GPHB5: variants seen among roughly 807,000 people sequenced by gnomAD.
GPHB5 encodes the protein glycoprotein hormone subunit beta 5.
In GPHB5, 7 loss-of-function variants were observed where a neutral mutation model predicts 10.1. That is an observed-to-expected ratio of 0.69 (90% CI 0.39 to 1.30). The LOEUF is 1.30. GPHB5 is among the 50% of genes most tolerant of loss of function. The pLI is 0.01. For synonymous variants in GPHB5, 68 were observed against 70.1 expected, an observed-to-expected ratio of 0.97 and a Z score of 0.15; for missense variants, 161 against 169.8, an observed-to-expected ratio of 0.95 and a Z score of 0.29.
chr14:63,318,744 C>T (rs1365435946), intron 1 of GPHB5, 80 bp downstream of exon 1: 2 of 152,196 alleles, frequency 1.3e-5, no homozygotes, highest in Non-Finnish European at 2.9e-5. Context: ...CTCACAGTTC[C>T]TACTTCTGAC....
At chr14:63,316,397 T>C (rs10129613) in intron 2 of GPHB5, among the ~76,000 whole-genome samples, 39,586 of 152,084 alleles carry the variant, frequency 0.26, 5,555 homozygotes, top group African/African-American at 0.35. Flanking sequence ...GGGAGGTCCA[T>C]CCCAGTCAAC....
At chr14:63,314,011 G>A (rs932786465) in intron 2 of GPHB5, among the ~76,000 whole-genome samples, 11 of 152,246 alleles carry the variant, frequency 7.2e-5, no homozygotes, top group East Asian at 1.9e-4. Flanking sequence ...AACAGACCCC[G>A]GGAGAGTTTC....
intron 1 of GPHB5, 131 bp from the exon 2 acceptor site, chr14:63,317,981 T>A: frequency 1.3e-6 from 1 of 765,066 alleles, no homozygotes; most frequent in South Asian, 1.9e-5. Flanking sequence ...GCCCAGAAAT[T>A]GTAAATGCCC....
chr14:63,312,894 A>C lies in GPHB5; in HGVS notation c.*34T>G, dbSNP rs1011710651. The stretch of plus-strand genomic sequence containing the variant: ...GGAAGTATAACTGCATGTGCTGCTC[A>C]CACAGGTGGGTCTGCAGAGAGCAGC... On this transcript the variant is annotated 3_prime_UTR_variant, in exon 3 of 3. Coordinates refer to ENST00000621500, the MANE Select transcript of GPHB5 (RefSeq NM_145171.4). 4.6e-6 allele frequency: 7 copies of C among 1,533,628 alleles called. No homozygotes were observed. Among genetic ancestry groups the C allele is most frequent in the African/African-American group, 1.4e-5 (1 of 72,714 alleles).
At chr14:63,314,887 CTTTTTTTTTTCTTTTTTCTTTTT>C (rs1566803437) in intron 2 of GPHB5, among the ~76,000 whole-genome samples, 1 of 143,528 alleles carries the variant, frequency 7.0e-6, no homozygotes, top group Non-Finnish European at 1.5e-5. Flanking sequence ...GCAGCCTTAC[CTTTTTTTTTTCTTTTTTCTTTTT>C]TTTTTTTTTT....
In GPHB5 at chr14:63,317,655, C is replaced by T. The variant is rs765489420; in HGVS notation, c.195G>A (p.Glu65=). ...ITTDACWGRC[E]TWEKPILEPP... is the part of the protein sequence containing the mutation. ...CAACTTAGCAACTCACCTCCCAGGT[C>T]TCACAGCGACCCCAGCAGGCATCCG... Residue 65 remains glutamate, a synonymous_variant, in exon 2 of 3, where the codon GAG becomes GAA. Coordinates refer to ENST00000621500, the MANE Select transcript of GPHB5 (RefSeq NM_145171.4). 7 of 1,613,890 alleles carry T rather than the reference C, an allele frequency of 4.3e-6. No individual in the cohort carries two copies. Among genetic ancestry groups the T allele is most frequent in the Non-Finnish European group, 5.1e-6 (6 of 1,179,892 alleles).
chr14:63,316,463 A>G (rs757706691), intron 2 of GPHB5, among the ~76,000 whole-genome samples: 4 of 152,200 alleles, frequency 2.6e-5, no homozygotes, highest in Non-Finnish European at 5.9e-5. Context: ...AAAAGCTGTG[A>G]AGGTTATAAG....
chr14:63,312,903 G>C lies in GPHB5; in HGVS notation c.*25C>G. 1 of 1,544,504 alleles carries C rather than the reference G, an allele frequency of 6.5e-7. No homozygotes were observed. Among genetic ancestry groups the C allele is most frequent in the African/African-American group, 1.4e-5 (1 of 73,060 alleles). The stretch of plus-strand genomic sequence containing the variant: ...ACTGCATGTGCTGCTCACACAGGTG[G>C]GTCTGCAGAGAGCAGCTAGCGGCCT... On this transcript the variant is annotated 3_prime_UTR_variant, in exon 3 of 3. Coordinates refer to ENST00000621500, the MANE Select transcript of GPHB5 (RefSeq NM_145171.4).
chr14:63,315,208 C>T (rs762554880), intron 2 of GPHB5, among the ~76,000 whole-genome samples: 17 of 152,192 alleles, frequency 1.1e-4, no homozygotes, highest in Non-Finnish European at 2.5e-4. Context: ...AGCCACCACG[C>T]CCGGCCAGCC....
At chr14:63,317,522 A>T in intron 2 of GPHB5, 124 bp downstream of exon 2, 1 of 897,408 alleles carries the variant, frequency 1.1e-6, no homozygotes, top group Non-Finnish European at 1.7e-6. Context: ...TTGGTTTTTT[A>T]AGTCCACAGG....
intron 2 of GPHB5, 67 bp downstream of exon 2, chr14:63,317,579 C>T (rs1882791400): frequency 1.4e-6 from 2 of 1,470,352 alleles, no homozygotes; most frequent in East Asian, 4.6e-5. Flanking sequence ...AAAAAGTGAA[C>T]TCTTAAGAAT....
intron 2 of GPHB5, among the ~76,000 whole-genome samples, chr14:63,314,522 G>A (rs577571337): frequency 6.9e-6 from 1 of 144,076 alleles, no homozygotes; most frequent in Non-Finnish European, 1.5e-5. Context: ...CCGGGTTCAC[G>A]CCATTCTCCT....
intron 2 of GPHB5, among the ~76,000 whole-genome samples, chr14:63,314,739 T>C (rs983504601): frequency 1.4e-4 from 22 of 152,056 alleles, no homozygotes; most frequent in African/African-American, 5.1e-4. Context: ...AGTGCAATTA[T>C]TATAAGAAAG....
chr14:63,315,336 G>A (rs1162210505), intron 2 of GPHB5, among the ~76,000 whole-genome samples: 1 of 152,120 alleles, frequency 6.6e-6, no homozygotes, highest in Admixed American at 6.5e-5. Context: ...CAGACCAAAC[G>A]CCCCGTAAAA....
rs963808826 is a variant in GPHB5 at position 63,318,827 on chromosome 14, A to G, written c.-5T>C. ...ACAAATACGGAGAAGCACTTACCTA[A>G]TCTTGCAGGAGCCCACTCTTCTTTT... is the stretch of plus-strand genomic sequence containing the variant. On this transcript the variant is annotated 5_prime_UTR_variant, in exon 1 of 3. Coordinates refer to ENST00000621500, the MANE Select transcript of GPHB5 (RefSeq NM_145171.4). 6.6e-6 allele frequency: 1 copy of G among 152,156 alleles called. No homozygotes were observed. The highest frequency in any genetic ancestry group is 2.4e-5 in the African/African-American group (1 of 41,412). 9.4% of individuals were successfully genotyped at this position (152,156 alleles called of 1,614,324 possible). A position where few individuals can be genotyped will look rare whatever the true frequency, so the allele number is the denominator to read the frequency against.
intron 2 of GPHB5, among the ~76,000 whole-genome samples, chr14:63,317,228 T>A (rs375091764): frequency 6.6e-6 from 1 of 152,124 alleles, no homozygotes; most frequent in Non-Finnish European, 1.5e-5. Context: ...GGCTAATTTA[T>A]CCAAAATGAG....
intron 2 of GPHB5, among the ~76,000 whole-genome samples, chr14:63,315,675 C>T (rs1882759638): frequency 6.6e-6 from 1 of 152,076 alleles, no homozygotes; most frequent in Admixed American, 6.5e-5. Context: ...AGTTAAGATC[C>T]CCCCCACCAA....
intron 2 of GPHB5, among the ~76,000 whole-genome samples, chr14:63,314,669 C>T (rs1040607551): frequency 6.6e-6 from 1 of 152,110 alleles, no homozygotes; most frequent in African/African-American, 2.4e-5. Context: ...GCCTCGGCCT[C>T]CCAAAGTGCT....
intron 2 of GPHB5, among the ~76,000 whole-genome samples, chr14:63,314,427 T>C (rs2139683175): frequency 1.3e-5 from 1 of 74,642 alleles, no homozygotes; most frequent in Admixed American, 9.9e-5. Flanking sequence ...ATGCAATCCA[T>C]TTTTTTTTTT....
Sources: gnomAD v4.1 joint callset for allele counts (sites outside exome capture counted in the v4.1 genomes callset) on GRCh38, gnomAD v4.1.1 for gene constraint, MANE v1.5 for transcripts, NCBI Gene and HGNC (gene_info 2026-07-23, HGNC 2026-07-21) for gene names.